ARHGAP39: variants seen among roughly 807,000 people sequenced by gnomAD.
ARHGAP39 encodes Rho GTPase activating protein 39.
ARHGAP39 carries 44 observed loss-of-function variants against 106.9 expected under a neutral mutation model. The observed-to-expected ratio is 0.41, with a 90% confidence interval of 0.32 to 0.53. ARHGAP39 has a LOEUF of 0.53. Among genes scored for constraint, ARHGAP39 ranks in the 20% least tolerant of loss-of-function variants. ARHGAP39 has a pLI of 0.21. For synonymous variants in ARHGAP39, 768 were observed against 693.2 expected (o/e 1.11, Z -1.69); for missense variants, 1,496 against 1,577.3 (o/e 0.95, Z 0.87).
chr8:144,600,968 A>C, intron 2 of ARHGAP39, among the ~76,000 whole-genome samples: 1 of 98,700 alleles, frequency 1.0e-5, no homozygotes, highest in East Asian at 3.6e-4. Context: ...ACCTGTGTGC[A>C]TGTGCGTGGA....
In ARHGAP39 at chr8:144,669,135, T is replaced by G. The variant is rs7816714; in HGVS notation, c.-82+16551A>C. On this transcript the variant is annotated intron_variant, in intron 1 of 11. Coordinates refer to ENST00000377307, the MANE Select transcript of ARHGAP39 (RefSeq NM_025251.3). Reference sequence around the variant, plus strand: ...TAAAAAAGCAAAGCAGGACCTTACCTCACACATGAACAAAATTAACTCAAA... The same window carrying G: ...TAAAAAAGCAAAGCAGGACCTTACCGCACACATGAACAAAATTAACTCAAA... 3.2e-4 allele frequency among the ~76,000 whole-genome samples: 45 copies of G among 142,078 alleles called. No individual in the cohort carries two copies. The East Asian group carries it at 7.7e-3, about 24-fold the overall frequency. The allele number at this position is 142,078 out of a possible 152,430, so 93.2% of individuals were successfully genotyped here. A position where few individuals can be genotyped will look rare whatever the true frequency, so the allele number is the denominator to read the frequency against.
chr8:144,541,745 G>T (rs1340091721), intron 6 of ARHGAP39, among the ~76,000 whole-genome samples: 1 of 152,120 alleles, frequency 6.6e-6, no homozygotes, highest in Non-Finnish European at 1.5e-5. Flanking sequence ...GACACGTTCT[G>T]TTTCTCCATT....
chr8:144,648,774 C>T (rs145298724), intron 1 of ARHGAP39, among the ~76,000 whole-genome samples: 2,211 of 152,142 alleles, frequency 0.015, 22 homozygotes, highest in African/African-American at 0.026. Context: ...AATGAAATTA[C>T]GGCAGAAATC....
chr8:144,689,426 CTTTTTTTTTTTTTTTT>C (rs71320837), upstream of ARHGAP39, among the ~76,000 whole-genome samples: 2 of 67,554 alleles, frequency 3.0e-5, no homozygotes, highest in Non-Finnish European at 2.7e-5. Context: ...TCTTAACCAT[CTTTTTTTTTTTTTTTT>C]TTTTTTTTTT....
At chr8:144,699,693 G>C in the ARHGAP39 span, among the ~76,000 whole-genome samples, 1 of 151,872 alleles carries the variant, frequency 6.6e-6, no homozygotes, top group South Asian at 2.1e-4. Context: ...TGCGGGGCTG[G>C]GTGGGCTGGA....
intron 7 of ARHGAP39, 49 bp from the exon 8 acceptor site, chr8:144,534,251 G>A: frequency 6.2e-7 from 1 of 1,604,986 alleles, no homozygotes; most frequent in Non-Finnish European, 8.5e-7. Context: ...TGTGGGTGTG[G>A]GGCCAGGAGA....
rs906358984 is a variant in ARHGAP39, at chr8:144,576,743, G to A, written c.512+4103C>T. Among the ~76,000 whole-genome samples, 12 of 152,306 alleles carry A rather than the reference G, an allele frequency of 7.9e-5. 1 individual carries two copies. The highest frequency in any genetic ancestry group is 2.6e-4 in the African/African-American group (11 of 41,550). ...GTGAGAGGAAGCCGGAGGTTCCAGC[G>A]CAGCAGCACAGCACAGGCTCTTGAG... On this transcript the variant is annotated intron_variant, in intron 3 of 11. Transcript: ENST00000377307.
intron 2 of ARHGAP39, among the ~76,000 whole-genome samples, chr8:144,602,745 CGTGT>C (rs561214710): frequency 8.8e-6 from 1 of 113,332 alleles, no homozygotes; most frequent in Non-Finnish European, 1.7e-5. Context: ...TGCATGGAGG[CGTGT>C]GTGTGAGCTC....
At chr8:144,623,405 C>T (rs111960576) in intron 1 of ARHGAP39, among the ~76,000 whole-genome samples, 20 of 152,312 alleles carry the variant, frequency 1.3e-4, no homozygotes, top group African/African-American at 4.3e-4. Context: ...TTTTAAAGAT[C>T]TTGGTAAAGA....
rs1420963730 is a variant in ARHGAP39, at chr8:144,646,900, G to A, written c.-82+38786C>T. 6.6e-6 allele frequency among the ~76,000 whole-genome samples: 1 copy of A among 152,108 alleles called. No individual in the cohort carries two copies. Among genetic ancestry groups the A allele is most frequent in the Non-Finnish European group, 1.5e-5 (1 of 68,010 alleles). ...AGGGCCCCAGTGCCCTGTGGTTGGG[G>A]TGGTGTTTCCTTCTGTCTCTCTCCC... On this transcript the variant is annotated intron_variant, in intron 1 of 11. Coordinates refer to ENST00000377307, the MANE Select transcript of ARHGAP39 (RefSeq NM_025251.3). The surrounding 1 kb of genome is among the most constrained non-coding windows in gnomAD (Gnocchi z 5.7).
intron 10 of ARHGAP39, among the ~76,000 whole-genome samples, chr8:144,531,266 A>G (rs866126861): frequency 1.9e-5 from 1 of 52,118 alleles, no homozygotes; most frequent in Non-Finnish European, 4.1e-5. Context: ...GCAGGTGGGG[A>G]GTGGGCTAGA....
intron 1 of ARHGAP39, among the ~76,000 whole-genome samples, chr8:144,628,697 C>T (rs1820986257): frequency 1.3e-5 from 2 of 152,290 alleles, no homozygotes; most frequent in South Asian, 2.1e-4. Context: ...CAACAGGGAA[C>T]CCACCCTCTA....
chr8:144,684,846 C>A lies in ARHGAP39; in HGVS notation c.-82+840G>T, dbSNP rs1389286436. On this transcript the variant is annotated intron_variant, in intron 1 of 11. Transcript: ENST00000377307. The surrounding 1 kb of genome is among the most constrained non-coding windows in gnomAD (Gnocchi z 4.4). Reference sequence around the variant, plus strand: ...TGCCGCAGAGGCGAGGCCGCAGAGCCCACCCGCAGGCGGCCATGACCCCAC... The same window carrying A: ...TGCCGCAGAGGCGAGGCCGCAGAGCACACCCGCAGGCGGCCATGACCCCAC... 6.6e-6 allele frequency among the ~76,000 whole-genome samples: 1 copy of A among 152,196 alleles called. No individual in the cohort carries two copies. The highest frequency in any genetic ancestry group is 2.1e-4 in the South Asian group (1 of 4,834).
chr8:144,531,004 C>G, intron 10 of ARHGAP39, 133 bp from the exon 11 acceptor site: 1 of 1,213,452 alleles, frequency 8.2e-7, no homozygotes, highest in Admixed American at 2.7e-5. Flanking sequence ...CTGGACAGGG[C>G]CCATCTGGCC....
Position 144,591,654 on chromosome 8 carries a change from G to A in ARHGAP39, c.81-10377C>T, listed in dbSNP as rs1012370053. On this transcript the variant is annotated intron_variant, in intron 2 of 11. Coordinates refer to ENST00000377307, the MANE Select transcript of ARHGAP39 (RefSeq NM_025251.3). The surrounding 1 kb of genome is among the most constrained non-coding windows in gnomAD (Gnocchi z 5.3). ...AGGCGAGGGGTGGGGGAGCAGAGGC[G>A]AGGAAGGGCAAGGTTTTCGGCCTGA... is the stretch of plus-strand genomic sequence containing the variant. Among the ~76,000 whole-genome samples, 4 of 152,216 alleles carry A rather than the reference G, an allele frequency of 2.6e-5. No individual in the cohort carries two copies. The highest frequency in any genetic ancestry group is 2.1e-4 in the South Asian group (1 of 4,832).
rs1007315892 is a variant in ARHGAP39 at position 144,585,289 on chromosome 8, G to A, written c.81-4012C>T. On this transcript the variant is annotated intron_variant, in intron 2 of 11. Transcript: ENST00000377307. This position sits in a 1 kb window ranked among gnomAD's most constrained non-coding sequence, Gnocchi z 4.6. ...ACCTGTCTCCCTTCCTTCTCTCCAT[G>A]GACATCCCAAATCACCACAGAGAAC... 1.2e-4 allele frequency among the ~76,000 whole-genome samples: 18 copies of A among 151,922 alleles called. No individual in the cohort carries two copies. Among genetic ancestry groups the A allele is most frequent in the Non-Finnish European group, 1.8e-4 (12 of 67,974 alleles).
intron 2 of ARHGAP39, among the ~76,000 whole-genome samples, 177 bp from the exon 3 acceptor site, chr8:144,581,454 G>A (rs928748147): frequency 6.6e-6 from 1 of 152,244 alleles, no homozygotes; most frequent in African/African-American, 2.4e-5. Flanking sequence ...CCGCAACCGG[G>A]GAAGCCCCCG....
At chr8:144,539,761 C>T (rs1246162009) in intron 6 of ARHGAP39, among the ~76,000 whole-genome samples, 1 of 152,220 alleles carries the variant, frequency 6.6e-6, no homozygotes, top group African/African-American at 2.4e-5. Context: ...GTGGCACTGA[C>T]CCACTGTCTA....
At chr8:144,662,393 A>G (rs893972412) in intron 1 of ARHGAP39, among the ~76,000 whole-genome samples, 5 of 132,768 alleles carry the variant, frequency 3.8e-5, no homozygotes, top group African/African-American at 8.8e-5. Context: ...CCCCATTATT[A>G]TCCAGCTTGG....
Sources: allele counts gnomAD v4.1 joint callset (sites outside exome capture counted in the v4.1 genomes callset), GRCh38; gene constraint gnomAD v4.1.1; non-coding constraint Gnocchi (gnomAD v3.1); transcripts MANE v1.5; gene names NCBI Gene and HGNC (gene_info 2026-07-23, HGNC 2026-07-21).